The following NRG3 variants were observed in gnomAD, a reference collection of about 807,000 sequenced individuals.
NRG3 encodes neuregulin 3.
Under a neutral mutation model 66.9 loss-of-function variants are expected in NRG3, and 31 were observed. The ratio of observed to expected loss-of-function variants is 0.46; its 90% CI spans 0.35 to 0.63. The LOEUF (loss-of-function observed/expected upper bound fraction) is 0.63, where lower values mean the gene tolerates loss of function less well. NRG3 is among the 20% of genes least tolerant of loss of function. The pLI is 0.00. For missense variants in NRG3, 910 were observed against 878.9 expected, an observed-to-expected ratio of 1.04 and a Z score of -0.45; for synonymous variants, 393 against 359.4, an observed-to-expected ratio of 1.09 and a Z score of -1.06.
chr10:81,876,687 T>A (rs1124744), intron 1 of NRG3, among the ~76,000 whole-genome samples: 46,678 of 151,984 alleles, frequency 0.31, 9,805 homozygotes, highest in African/African-American at 0.56. Flanking sequence ...GGTAGAATGT[T>A]GCTGAGGACG....
At chr10:82,476,987 T>C (rs1399950537) in intron 2 of NRG3, among the ~76,000 whole-genome samples, 3 of 152,104 alleles carry the variant, frequency 2.0e-5, no homozygotes, top group Non-Finnish European at 4.4e-5. Context: ...GACTTTCCCT[T>C]TTGGAAAGGA....
intron 1 of NRG3, among the ~76,000 whole-genome samples, chr10:82,067,243 C>A (rs944450132): frequency 5.3e-5 from 8 of 152,142 alleles, no homozygotes; most frequent in Admixed American, 1.3e-4. Context: ...GTAATTCATG[C>A]TTTAGAAAAA....
intron 1 of NRG3, among the ~76,000 whole-genome samples, chr10:81,912,507 C>T (rs146350330): frequency 3.3e-4 from 51 of 152,322 alleles, no homozygotes; most frequent in African/African-American, 1.1e-3. Flanking sequence ...CAGGCATGAG[C>T]CACCATGCCC....
At chr10:82,315,920 T>C (rs985195668) in intron 1 of NRG3, among the ~76,000 whole-genome samples, 1 of 152,102 alleles carries the variant, frequency 6.6e-6, no homozygotes, top group Non-Finnish European at 1.5e-5. Context: ...GTACTGGGAT[T>C]ACAGGTGGGA....
intron 1 of NRG3, among the ~76,000 whole-genome samples, chr10:82,196,962 C>G (rs1343743042): frequency 2.0e-5 from 3 of 152,172 alleles, no homozygotes; most frequent in African/African-American, 7.2e-5. Flanking sequence ...GCTCAGAGTT[C>G]TCAACACAAT....
chr10:82,971,531 G>T (rs1032839981), intron 6 of NRG3, among the ~76,000 whole-genome samples: 1 of 151,568 alleles, frequency 6.6e-6, no homozygotes, highest in African/African-American at 2.4e-5. Flanking sequence ...CAATCTCCCG[G>T]GTTCAAGCTA....
At chr10:82,646,027 T>A (rs996137069) in intron 2 of NRG3, among the ~76,000 whole-genome samples, 1 of 152,120 alleles carries the variant, frequency 6.6e-6, no homozygotes, top group Non-Finnish European at 1.5e-5. Context: ...GGGAGAATAT[T>A]GAAACCATGT....
chr10:82,092,169 T>C (rs1156760580), intron 1 of NRG3, among the ~76,000 whole-genome samples: 1 of 152,168 alleles, frequency 6.6e-6, no homozygotes, highest in Non-Finnish European at 1.5e-5. Flanking sequence ...TGATTTCTAT[T>C]GTTCACTTAA....
At chr10:82,859,781 G>A (rs1479232202) in intron 3 of NRG3, among the ~76,000 whole-genome samples, 1 of 152,126 alleles carries the variant, frequency 6.6e-6, no homozygotes, top group Non-Finnish European at 1.5e-5. Flanking sequence ...ATGTGAATGC[G>A]TATGTTAATT....
intron 1 of NRG3, among the ~76,000 whole-genome samples, chr10:82,052,062 C>T (rs183969066): frequency 1.3e-5 from 2 of 148,968 alleles, no homozygotes; most frequent in Admixed American, 6.7e-5. Flanking sequence ...GCTAACAGCT[C>T]CTCATTTTCT....
chr10:82,453,636 G>A (rs998792172), intron 2 of NRG3, among the ~76,000 whole-genome samples: 2 of 150,524 alleles, frequency 1.3e-5, no homozygotes, highest in Admixed American at 6.6e-5. Context: ...TATGAGAATA[G>A]ATATAGGGAA....
intron 2 of NRG3, among the ~76,000 whole-genome samples, chr10:82,539,027 C>G (rs1241512592): frequency 6.6e-6 from 1 of 152,070 alleles, no homozygotes; most frequent in Admixed American, 6.5e-5. Flanking sequence ...GGCTTCATCC[C>G]GCAAGATTGG....
At chr10:82,958,313 G>T (rs1258786917) in intron 5 of NRG3, among the ~76,000 whole-genome samples, 3 of 152,116 alleles carry the variant, frequency 2.0e-5, no homozygotes, top group African/African-American at 4.8e-5. Flanking sequence ...TAGCATTATG[G>T]CCTCATCACA....
At chr10:82,837,306 A>C (rs1302352060) in intron 3 of NRG3, among the ~76,000 whole-genome samples, 2 of 152,132 alleles carry the variant, frequency 1.3e-5, no homozygotes, top group Non-Finnish European at 2.9e-5. Context: ...TAGATCCCTG[A>C]GGAATCACCA....
At chr10:82,567,714 T>G (rs1184933554) in intron 2 of NRG3, among the ~76,000 whole-genome samples, 1 of 151,984 alleles carries the variant, frequency 6.6e-6, no homozygotes, top group Non-Finnish European at 1.5e-5. Context: ...GCTTAATTCC[T>G]TACTCCTTCA....
chr10:82,049,296 A>G lies in NRG3; in HGVS notation c.823+173133A>G, dbSNP rs151070433. On this transcript the variant is annotated intron_variant, in intron 1 of 8. Coordinates refer to ENST00000372141, the MANE Select transcript of NRG3 (RefSeq NM_001010848.4). Reference sequence around the variant, plus strand: ...CTGTTGTCTGCATTCAACATCAATCATAAGAGGACCCTTCATCATTTTCAC... The same window carrying G: ...CTGTTGTCTGCATTCAACATCAATCGTAAGAGGACCCTTCATCATTTTCAC... Among the ~76,000 whole-genome samples, 738 of 152,214 alleles carry G rather than the reference A, an allele frequency of 4.8e-3. 4 individuals carry two copies. Among genetic ancestry groups the G allele is most frequent in the Non-Finnish European group, 5.1e-3 (347 of 68,004 alleles).
At chr10:82,067,346 CTGTTTGTTGTTGTCGTGGTT>C (rs1285864482) in intron 1 of NRG3, among the ~76,000 whole-genome samples, 1 of 152,052 alleles carries the variant, frequency 6.6e-6, no homozygotes, top group Non-Finnish European at 1.5e-5. Flanking sequence ...TCCCCATTTG[CTGTTTGTTGTTGTCGTGGTT>C]TGTTTGCTTG....
chr10:82,513,494 G>A (rs1478648440), intron 2 of NRG3, among the ~76,000 whole-genome samples: 2 of 152,192 alleles, frequency 1.3e-5, no homozygotes, highest in Admixed American at 1.3e-4. Flanking sequence ...TGGGTCAAAT[G>A]TTATTTCTGC....
intron 4 of NRG3, among the ~76,000 whole-genome samples, chr10:82,932,771 T>C (rs1394371787): frequency 6.6e-6 from 1 of 152,162 alleles, no homozygotes; most frequent in African/African-American, 2.4e-5. Context: ...CATTTCAATC[T>C]TCTAAAGAGG....
Sources: gnomAD v4.1 joint callset for allele counts (sites outside exome capture counted in the v4.1 genomes callset) on GRCh38, gnomAD v4.1.1 for gene constraint, MANE v1.5 for transcripts, NCBI Gene and HGNC (gene_info 2026-07-23, HGNC 2026-07-21) for gene names.